Variants in SGO1 observed in about 807,000 individuals in gnomAD.
SGO1 encodes shugoshin 1, also known as serologically defined breast cancer antigen NY-BR-85.
In SGO1, 39 loss-of-function variants were observed where a neutral mutation model predicts 50.5. The ratio of observed to expected loss-of-function variants is 0.77; its 90% CI spans 0.60 to 1.01. The LOEUF is 1.01. Ranked by LOEUF, SGO1 falls within the 50% of genes least tolerant of loss-of-function variation. The probability of loss-of-function intolerance (pLI) is 0.00; values close to 1 mark genes in which losing one functional copy is unlikely to be tolerated. For missense variants in SGO1, 638 were observed against 606.0 expected (o/e 1.05, Z -0.55); for synonymous variants, 191 against 205.1 (o/e 0.93, Z 0.59).
In SGO1 at chr3:20,183,950, C is replaced by A; in HGVS notation, c.78G>T (p.Arg26Ser). Residue 26 changes from arginine to serine, a missense_variant, in exon 2 of 8, where the codon AGG becomes AGT. Physicochemically the swap from Arg to Ser is moderately radical, Grantham distance 110. Coordinates refer to ENST00000412997, the MANE Select transcript of SGO1 (RefSeq NM_001199251.3). Reference sequence around the variant, plus strand: ...TGCCAATCTCTGCCAAGTTTTTATTCCTTTTCTCTTTCATTCGCTTCTTTA... The same window carrying A: ...TGCCAATCTCTGCCAAGTTTTTATTACTTTTCTCTTTCATTCGCTTCTTTA... ...EDIKKRMKEKRNKNLAEIGKR... is the reference protein window; with the variant it reads ...EDIKKRMKEKSNKNLAEIGKR... 6.2e-7 allele frequency: 1 copy of A among 1,612,710 alleles called. No homozygotes were observed. Among genetic ancestry groups the A allele is most frequent in the African/African-American group, 1.3e-5 (1 of 74,974 alleles).
chr3:20,175,159 AT>A (rs1701243354), intron 5 of SGO1, 104 bp from the exon 6 acceptor site: 2 of 1,168,400 alleles, frequency 1.7e-6, no homozygotes, highest in Non-Finnish European at 2.3e-6. Flanking sequence ...CCAAAAGGTC[AT>A]TCTGTAGTTT....
chr3:20,175,161 T>C (rs768915350), intron 5 of SGO1, 106 bp from the exon 6 acceptor site: 118 of 1,141,340 alleles, frequency 1.0e-4, no homozygotes, highest in Non-Finnish European at 1.3e-4. Flanking sequence ...AAAAGGTCAT[T>C]CTGTAGTTTT....
downstream of SGO1, among the ~76,000 whole-genome samples, chr3:20,167,768 C>T (rs549458743): frequency 1.5e-3 from 221 of 152,258 alleles, 1 homozygote; most frequent in African/African-American, 5.1e-3. Context: ...GAAGCAATTT[C>T]CTAACTAATA....
downstream of SGO1, among the ~76,000 whole-genome samples, chr3:20,168,746 C>T (rs145421415): frequency 0.19 from 28,403 of 151,380 alleles, 3,033 homozygotes; most frequent in East Asian, 0.38. Context: ...GGGTTCACGC[C>T]GTTCTCCTGC....
At chr3:20,161,245 A>G (rs780639995) in intron 8 of SGO1, 1 of 1,541,928 alleles carries the variant, frequency 6.5e-7, no homozygotes, top group Non-Finnish European at 8.7e-7. Flanking sequence ...AGCAAACACA[A>G]AATCAGTCTA....
Position 20,186,033 on chromosome 3 carries a change from T to C in SGO1, c.-93A>G, listed in dbSNP as rs1293533206. 6.6e-6 allele frequency: 1 copy of C among 152,442 alleles called. No individual in the cohort carries two copies. Among genetic ancestry groups the C allele is most frequent in the Non-Finnish European group, 1.5e-5 (1 of 68,248 alleles). 9.4% of individuals were successfully genotyped at this position (152,442 alleles called of 1,614,324 possible). A position where few individuals can be genotyped will look rare whatever the true frequency, so the allele number is the denominator to read the frequency against. On this transcript the variant is annotated 5_prime_UTR_variant, in exon 1 of 8. Coordinates refer to ENST00000412997, the MANE Select transcript of SGO1 (RefSeq NM_001199251.3). ...GCGGAAGTGGACGCGGCGACCCTCC[T>C]GCCGCAGGCGCGTCCAGAACGATAC...
In SGO1 at chr3:20,170,644, C is replaced by T. The variant is rs73193250; in HGVS notation, c.*60G>A. 3.2e-5 allele frequency: 47 copies of T among 1,475,194 alleles called. No homozygotes were observed. The Middle Eastern group carries it at 7.3e-4, about 23-fold the overall frequency. 91.4% of individuals were successfully genotyped at this position (1,475,194 alleles called of 1,614,324 possible). On this transcript the variant is annotated 3_prime_UTR_variant, in exon 8 of 8. Coordinates refer to ENST00000412997, the MANE Select transcript of SGO1 (RefSeq NM_001199251.3). Reference sequence around the variant, plus strand: ...ACTCTGTTTGTGTACTCTTACAGATCCTCTCCTGAAGCAACAGAAAGAGGT... The same window carrying T: ...ACTCTGTTTGTGTACTCTTACAGATTCTCTCCTGAAGCAACAGAAAGAGGT...
rs138380183 is a variant in SGO1 at position 20,169,632 on chromosome 3, A to T, written c.*1072T>A. 1 of 982,346 alleles carries T rather than the reference A, an allele frequency of 1.0e-6. No homozygotes were observed. Among genetic ancestry groups the T allele is most frequent in the East Asian group, 1.1e-4 (1 of 8,794 alleles). The allele number at this position is 982,346 out of a possible 1,614,324, so 60.9% of individuals were successfully genotyped here. On this transcript the variant is annotated 3_prime_UTR_variant, in exon 8 of 8. Transcript: ENST00000412997. ...GGTCAAAAATATGCAAAAACCCTAA[A>T]TATTCACACATTTAATCTCTGAGAT...
At position 20,171,033 on chromosome 3, in the gene SGO1, A is replaced by G. The variant is rs765962752; in HGVS notation, c.1472+10T>C. 3.2e-6 allele frequency: 5 copies of G among 1,574,426 alleles called. No homozygotes were observed. In the East Asian group the frequency reaches 6.8e-5, roughly 21 times the overall value. Reference sequence around the variant, plus strand: ...CATTAAAAATAAGTTCCCACAAACCAAATACTTACGAAGCGAGGGTGGGCT... The same window carrying G: ...CATTAAAAATAAGTTCCCACAAACCGAATACTTACGAAGCGAGGGTGGGCT... On this transcript the variant is annotated intron_variant, in intron 7 of 7. Transcript: ENST00000412997.
At chr3:20,161,939 C>T (rs867035338) in intron 8 of SGO1, among the ~76,000 whole-genome samples, 2 of 152,066 alleles carry the variant, frequency 1.3e-5, no homozygotes, top group African/African-American at 2.4e-5. Context: ...ATTATAATTC[C>T]AGAGAGAAGG....
chr3:20,164,044 AAAG>A (rs1700173642), intron 8 of SGO1, among the ~76,000 whole-genome samples: 1 of 152,064 alleles, frequency 6.6e-6, no homozygotes, highest in African/African-American at 2.4e-5. Context: ...CTGTTTCAGA[AAAG>A]AGGAGGTGGA....
At chr3:20,183,540 T>C in intron 3 of SGO1, 68 bp downstream of exon 3, 1 of 1,240,298 alleles carries the variant, frequency 8.1e-7, no homozygotes. Context: ...TTAAATAACA[T>C]AATTGATCTA....
At chr3:20,168,849 C>T (rs1395297739), downstream of SGO1, 1 of 623,060 alleles carries the variant, frequency 1.6e-6, no homozygotes, top group African/African-American at 2.0e-5. Flanking sequence ...CCAGGATGGT[C>T]TCGATCTCCT....
At chr3:20,181,701 C>T (rs1368498122) in intron 3 of SGO1, among the ~76,000 whole-genome samples, 1 of 152,104 alleles carries the variant, frequency 6.6e-6, no homozygotes, top group African/African-American at 2.4e-5. Context: ...GATTCAAATG[C>T]CTTTAGAGGA....
downstream of SGO1, among the ~76,000 whole-genome samples, chr3:20,164,607 G>A (rs1700200247): frequency 6.6e-6 from 1 of 151,976 alleles, no homozygotes; most frequent in Non-Finnish European, 1.5e-5. Flanking sequence ...GAAAAGACAT[G>A]CAAAATAGAA....
At chr3:20,185,201 C>A (rs1702493602) in intron 1 of SGO1, among the ~76,000 whole-genome samples, 1 of 152,144 alleles carries the variant, frequency 6.6e-6, no homozygotes, top group South Asian at 2.1e-4. Flanking sequence ...AAAGCACGAA[C>A]GGTAAAGGGG....
intron 6 of SGO1, among the ~76,000 whole-genome samples, chr3:20,173,135 CTT>C (rs11288410): frequency 4.0e-4 from 58 of 144,198 alleles, no homozygotes; most frequent in Non-Finnish European, 4.1e-4. Flanking sequence ...AGCATTTTTG[CTT>C]TTTTTTTTTT....
intron 5 of SGO1, among the ~76,000 whole-genome samples, chr3:20,175,641 T>C (rs1027832642): frequency 1.5e-5 from 2 of 131,984 alleles, no homozygotes; most frequent in Non-Finnish European, 3.2e-5. Context: ...CTAAAAAAAA[T>C]ACAAAAAATT....
intron 4 of SGO1, among the ~76,000 whole-genome samples, chr3:20,176,967 A>T (rs1383228956): frequency 3.9e-5 from 6 of 152,228 alleles, no homozygotes; most frequent in Non-Finnish European, 8.8e-5. Flanking sequence ...TAATTTGTTA[A>T]ATGTTTTTTA....
Sources: gnomAD v4.1 joint callset for allele counts (sites outside exome capture counted in the v4.1 genomes callset) on GRCh38, gnomAD v4.1.1 for gene constraint, MANE v1.5 for transcripts, NCBI Gene and HGNC (gene_info 2026-07-23, HGNC 2026-07-21) for gene names.